Variants in ZNF277 observed in about 807,000 individuals in gnomAD.
ZNF277 encodes nuclear receptor-interacting factor 4.
Under a neutral mutation model 60.7 loss-of-function variants are expected in ZNF277, and 55 were observed. The ratio of observed to expected loss-of-function variants is 0.91; its 90% confidence interval spans 0.73 to 1.13. The LOEUF (loss-of-function observed/expected upper bound fraction) is 1.13, where lower values mean the gene tolerates loss of function less well. ZNF277 is among the 50% of genes most tolerant of loss of function. ZNF277 has a pLI of 0.00. For missense variants in ZNF277, 510 were observed against 523.0 expected, an observed-to-expected ratio of 0.98 and a Z score of 0.24; for synonymous variants, 178 against 179.3, an observed-to-expected ratio of 0.99 and a Z score of 0.06.
At chr7:112,265,061 T>C (rs556624512) in intron 1 of ZNF277, among the ~76,000 whole-genome samples, 2 of 152,332 alleles carry the variant, frequency 1.3e-5, no homozygotes, top group African/African-American at 4.8e-5. Flanking sequence ...ACTTTCTCCA[T>C]ATAAGTTGTT....
At chr7:112,296,919 T>TTTTA (rs1792361999) in intron 4 of ZNF277, among the ~76,000 whole-genome samples, 5 of 65,334 alleles carry the variant, frequency 7.7e-5, no homozygotes, top group Non-Finnish European at 1.3e-4. Context: ...TTTATTTTTT[T>TTTTA]TTTTTTTTTT....
intron 1 of ZNF277, among the ~76,000 whole-genome samples, chr7:112,243,936 T>C (rs2116998718): frequency 6.6e-6 from 1 of 152,204 alleles, no homozygotes; most frequent in East Asian, 1.9e-4. Flanking sequence ...AAAGAAAATA[T>C]AGTGTTATAT....
At chr7:112,227,605 G>A (rs1822209336) in intron 1 of ZNF277, among the ~76,000 whole-genome samples, 1 of 152,062 alleles carries the variant, frequency 6.6e-6, no homozygotes, top group African/African-American at 2.4e-5. Context: ...AAAACTTTTG[G>A]CCAAACCTAT....
intron 1 of ZNF277, among the ~76,000 whole-genome samples, chr7:112,277,492 AGTGCC>A (rs1209160506): frequency 2.0e-5 from 3 of 152,234 alleles, no homozygotes; most frequent in Non-Finnish European, 4.4e-5. Context: ...CTCTCAATCA[AGTGCC>A]CACTGACCTC....
intron 1 of ZNF277, among the ~76,000 whole-genome samples, chr7:112,208,529 G>A (rs1821639224): frequency 6.7e-6 from 1 of 150,280 alleles, no homozygotes; most frequent in Non-Finnish European, 1.5e-5. Flanking sequence ...TCACCTCACA[G>A]CACCACTCCC....
At chr7:112,317,230 C>T (rs2117109899) in intron 4 of ZNF277, among the ~76,000 whole-genome samples, 1 of 152,134 alleles carries the variant, frequency 6.6e-6, no homozygotes, top group South Asian at 2.1e-4. Context: ...AGCAAACCAC[C>T]ATGGCACATG....
chr7:112,232,322 A>G (rs376102131), intron 1 of ZNF277, among the ~76,000 whole-genome samples: 12 of 152,204 alleles, frequency 7.9e-5, no homozygotes, highest in Admixed American at 7.2e-4. Flanking sequence ...AGATCTGTCT[A>G]TTTGAAGAAT....
At chr7:112,276,397 A>C (rs554082233) in intron 1 of ZNF277, among the ~76,000 whole-genome samples, 164 of 152,316 alleles carry the variant, frequency 1.1e-3, no homozygotes, top group Non-Finnish European at 1.7e-3. Flanking sequence ...TTCCCTAGAA[A>C]CTGTCGGATG....
At chr7:112,324,312 A>G (rs1280038020) in intron 5 of ZNF277, among the ~76,000 whole-genome samples, 1 of 152,234 alleles carries the variant, frequency 6.6e-6, no homozygotes, top group East Asian at 1.9e-4. Flanking sequence ...GTAAAAAACA[A>G]AATAGTTGTA....
intron 1 of ZNF277, among the ~76,000 whole-genome samples, chr7:112,284,808 C>T (rs1465362779): frequency 6.6e-6 from 1 of 152,126 alleles, no homozygotes; most frequent in East Asian, 1.9e-4. Context: ...GGACACCTTC[C>T]TTCTCCAGCT....
At chr7:112,219,441 A>G (rs992662785) in intron 1 of ZNF277, among the ~76,000 whole-genome samples, 1 of 152,090 alleles carries the variant, frequency 6.6e-6, no homozygotes, top group African/African-American at 2.4e-5. Flanking sequence ...TTATGTGGAT[A>G]TCCAGTTTTC....
intron 4 of ZNF277, among the ~76,000 whole-genome samples, chr7:112,303,519 G>T (rs1300961811): frequency 6.6e-6 from 1 of 151,986 alleles, no homozygotes; most frequent in Non-Finnish European, 1.5e-5. Context: ...CCTATACCGA[G>T]TCATGCCATG....
chr7:112,214,588 A>T (rs1204359365), intron 1 of ZNF277, among the ~76,000 whole-genome samples: 1 of 152,154 alleles, frequency 6.6e-6, no homozygotes, highest in African/African-American at 2.4e-5. Context: ...AACTAGTGGC[A>T]TTTATTTGCA....
At chr7:112,321,377 CCTCA>C (rs1197983084) in intron 5 of ZNF277, among the ~76,000 whole-genome samples, 3 of 152,090 alleles carry the variant, frequency 2.0e-5, no homozygotes, top group African/African-American at 7.2e-5. Flanking sequence ...TTTGTTTCCT[CCTCA>C]CTCCTTTGTG....
At chr7:112,293,845 A>T (rs1563218531) in intron 2 of ZNF277, among the ~76,000 whole-genome samples, 1 of 152,166 alleles carries the variant, frequency 6.6e-6, no homozygotes, top group East Asian at 1.9e-4. Flanking sequence ...TCCTCAATGG[A>T]GTGGCAACCA....
chr7:112,219,788 A>G (rs1821979276), intron 1 of ZNF277, among the ~76,000 whole-genome samples: 1 of 152,132 alleles, frequency 6.6e-6, no homozygotes, highest in African/African-American at 2.4e-5. Context: ...GGTGTGCACC[A>G]TCACACCTGG....
At chr7:112,259,061 CCTTA>C (rs1791385794) in intron 1 of ZNF277, among the ~76,000 whole-genome samples, 1 of 152,000 alleles carries the variant, frequency 6.6e-6, no homozygotes, top group African/African-American at 2.4e-5. Flanking sequence ...TCTTTTCTTC[CCTTA>C]CTGATATTAA....
intron 4 of ZNF277, among the ~76,000 whole-genome samples, chr7:112,302,529 T>C (rs543843159): frequency 1.5e-4 from 23 of 152,134 alleles, no homozygotes; most frequent in Admixed American, 3.9e-4. Flanking sequence ...CCATTGAATG[T>C]AACATTGTTA....
intron 1 of ZNF277, among the ~76,000 whole-genome samples, chr7:112,234,076 C>T (rs1374461284): frequency 6.6e-6 from 1 of 151,774 alleles, no homozygotes; most frequent in African/African-American, 2.4e-5. Context: ...AATTTTTTTT[C>T]TACTTTACCA....
Sources: allele counts gnomAD v4.1 joint callset (sites outside exome capture counted in the v4.1 genomes callset), GRCh38; gene constraint gnomAD v4.1.1; transcripts MANE v1.5; gene names NCBI Gene and HGNC (gene_info 2026-07-23, HGNC 2026-07-21).